Variants in CNTNAP2 observed in about 807,000 individuals in gnomAD.
CNTNAP2 encodes the protein contactin associated protein 2, also known as contactin-associated protein-like 2.
A neutral mutation model predicts 155.2 loss-of-function variants in CNTNAP2; 98 were observed. The observed-to-expected ratio is 0.63, with a 90% CI of 0.54 to 0.75. The LOEUF is 0.75. Among genes scored for constraint, CNTNAP2 ranks in the 30% least tolerant of loss-of-function variants. The pLI, the probability that CNTNAP2 is intolerant of heterozygous loss-of-function variation, is 0.00. For missense variants in CNTNAP2, 1,727 were observed against 1,688.1 expected (o/e 1.02, Z -0.40); for synonymous variants, 651 against 631.2 (o/e 1.03, Z -0.47).
chr7:146,628,358 T>A (rs111668007), intron 1 of CNTNAP2, among the ~76,000 whole-genome samples: 1 of 152,134 alleles, frequency 6.6e-6, no homozygotes, highest in African/African-American at 2.4e-5. Context: ...GAATAGTGGT[T>A]ACCAGGAGCT....
intron 13 of CNTNAP2, among the ~76,000 whole-genome samples, chr7:147,692,743 G>A (rs539317492): frequency 5.9e-4 from 89 of 152,078 alleles, no homozygotes; most frequent in African/African-American, 2.1e-3. Context: ...TAGTTTGGAT[G>A]ACACTCCTCT....
At chr7:147,789,488 T>C (rs1797788075) in intron 13 of CNTNAP2, among the ~76,000 whole-genome samples, 1 of 152,216 alleles carries the variant, frequency 6.6e-6, no homozygotes, top group Non-Finnish European at 1.5e-5. Context: ...ACTCCTCTGC[T>C]TTGCCCAGAC....
intron 10 of CNTNAP2, among the ~76,000 whole-genome samples, chr7:147,414,147 G>A (rs962369080): frequency 3.3e-5 from 5 of 152,140 alleles, no homozygotes; most frequent in Admixed American, 6.5e-5. Context: ...TAGAAAGGCT[G>A]GGCGCAGTGG....
intron 9 of CNTNAP2, among the ~76,000 whole-genome samples, chr7:147,311,082 C>T (rs1525208): frequency 0.49 from 74,542 of 151,854 alleles, 19,474 homozygotes; most frequent in East Asian, 0.73. Flanking sequence ...GAACGATCAG[C>T]TCTCAAGGGC....
intron 4 of CNTNAP2, among the ~76,000 whole-genome samples, chr7:147,092,344 G>T (rs1800425015): frequency 6.6e-6 from 1 of 152,132 alleles, no homozygotes; most frequent in African/African-American, 2.4e-5. Flanking sequence ...CTGCAACTTT[G>T]CAATAGGTTT....
intron 10 of CNTNAP2, among the ~76,000 whole-genome samples, chr7:147,468,003 C>A (rs1250368667): frequency 6.6e-6 from 1 of 151,888 alleles, no homozygotes; most frequent in Non-Finnish European, 1.5e-5. Context: ...TGCACTCCAG[C>A]CTGAGCAACA....
chr7:147,509,614 G>T (rs1023693283), intron 11 of CNTNAP2, among the ~76,000 whole-genome samples: 3 of 151,954 alleles, frequency 2.0e-5, no homozygotes, highest in Admixed American at 1.3e-4. Flanking sequence ...ACTGAGATTT[G>T]GTCCCTCTCA....
intron 1 of CNTNAP2, among the ~76,000 whole-genome samples, chr7:146,651,984 G>T (rs1799922610): frequency 6.6e-6 from 1 of 151,992 alleles, no homozygotes; most frequent in South Asian, 2.1e-4. Context: ...AAGCATAAAT[G>T]GTGGGAAGAG....
chr7:146,325,409 T>C (rs1414760895), intron 1 of CNTNAP2, among the ~76,000 whole-genome samples: 2 of 152,158 alleles, frequency 1.3e-5, no homozygotes, highest in Non-Finnish European at 1.5e-5. Flanking sequence ...TTCTTCCCCA[T>C]TTTGCATATA....
chr7:147,641,802 A>G (rs1265116596), intron 13 of CNTNAP2, among the ~76,000 whole-genome samples: 1 of 152,050 alleles, frequency 6.6e-6, no homozygotes, highest in Non-Finnish European at 1.5e-5. Context: ...CAAAACCTTG[A>G]TCTTTCACTT....
chr7:147,176,967 CTA>C (rs1802360575), intron 8 of CNTNAP2, among the ~76,000 whole-genome samples: 1 of 129,284 alleles, frequency 7.7e-6, no homozygotes, highest in Non-Finnish European at 1.6e-5. Context: ...AATTATAATT[CTA>C]TATATAAAAT....
intron 12 of CNTNAP2, among the ~76,000 whole-genome samples, chr7:147,599,982 G>A (rs1445253405): frequency 2.6e-5 from 4 of 152,112 alleles, no homozygotes; most frequent in South Asian, 4.1e-4. Context: ...TTTAATATTT[G>A]AAAACAACCT....
At chr7:147,259,529 G>A (rs1310518785) in intron 8 of CNTNAP2, among the ~76,000 whole-genome samples, 1 of 152,174 alleles carries the variant, frequency 6.6e-6, no homozygotes, top group East Asian at 1.9e-4. Flanking sequence ...TAAGATATAT[G>A]AATTCTTCAG....
intron 5 of CNTNAP2, among the ~76,000 whole-genome samples, chr7:147,118,610 C>A (rs1422810098): frequency 6.6e-6 from 1 of 151,464 alleles, no homozygotes; most frequent in African/African-American, 2.4e-5. Context: ...CAAAGACAAA[C>A]GTAAATTGTA....
At chr7:148,277,306 C>CTTTGT (rs891255852) in intron 21 of CNTNAP2, among the ~76,000 whole-genome samples, 4 of 152,150 alleles carry the variant, frequency 2.6e-5, no homozygotes, top group Admixed American at 2.6e-4. Flanking sequence ...GAGTCCCTTT[C>CTTTGT]TTTGACTCAG....
chr7:146,448,838 A>G (rs947738774), intron 1 of CNTNAP2, among the ~76,000 whole-genome samples: 1 of 152,226 alleles, frequency 6.6e-6, no homozygotes, highest in Non-Finnish European at 1.5e-5. Context: ...AGCCCTATAC[A>G]TAACAACTTA....
intron 13 of CNTNAP2, among the ~76,000 whole-genome samples, chr7:147,856,728 A>T (rs1256543827): frequency 1.3e-5 from 2 of 152,108 alleles, no homozygotes; most frequent in African/African-American, 4.8e-5. Flanking sequence ...TAGCCAAGGG[A>T]AAATATTTCT....
intron 3 of CNTNAP2, among the ~76,000 whole-genome samples, chr7:146,892,329 C>A (rs1795796231): frequency 6.6e-6 from 1 of 152,116 alleles, no homozygotes; most frequent in Admixed American, 6.6e-5. Flanking sequence ...TGCAGCCAAT[C>A]TTTTAGGTCC....
chr7:146,921,192 A>T (rs1013431463), intron 3 of CNTNAP2, among the ~76,000 whole-genome samples: 1 of 152,190 alleles, frequency 6.6e-6, no homozygotes, highest in African/African-American at 2.4e-5. Flanking sequence ...AGACTGTTCT[A>T]TGTCTTGATT....
Sources: allele counts gnomAD v4.1 joint callset (sites outside exome capture counted in the v4.1 genomes callset), GRCh38; gene constraint gnomAD v4.1.1; transcripts MANE v1.5; gene names NCBI Gene and HGNC (gene_info 2026-07-23, HGNC 2026-07-21).